The following DOCK4 variants were observed in gnomAD, a reference collection of about 807,000 sequenced individuals.
DOCK4 encodes the protein dedicator of cytokinesis 4, also known as dedicator of cytokinesis protein 4.
DOCK4 carries 97 observed loss-of-function variants against 268.1 expected under a neutral mutation model. The observed-to-expected ratio is 0.36, with a 90% CI of 0.31 to 0.43. The LOEUF (loss-of-function observed/expected upper bound fraction) is 0.43. DOCK4 is among the 20% of genes least tolerant of loss of function. The pLI is 1.00. For missense variants in DOCK4, 2,145 were observed against 2,455.7 expected (o/e 0.87, Z 2.67); for synonymous variants, 954 against 887.2 (o/e 1.08, Z -1.34).
chr7:111,869,621 G>T lies in DOCK4; in HGVS notation c.2062C>A (p.Arg688=). Residue 688 remains arginine (R), a synonymous_variant, in exon 21 of 53, where the codon CGG becomes AGG. Coordinates refer to ENST00000428084, the MANE Select transcript of DOCK4 (RefSeq NM_001363540.2). The part of the protein sequence containing the change: ...LIKVLKWYVD[R]ITEAERQEHI... ...TCTTGCCGCTCTGCTTCTGTGATCC[G>T]GTCCACGTACCATTTGAGCACTTTG... 1.9e-6 allele frequency: 3 copies of T among 1,613,302 alleles called. No homozygotes were observed. Among genetic ancestry groups the T allele is most frequent in the Non-Finnish European group, 2.5e-6 (3 of 1,179,466 alleles).
chr7:111,896,358 T>C (rs1808746733), intron 15 of DOCK4, among the ~76,000 whole-genome samples: 1 of 152,170 alleles, frequency 6.6e-6, no homozygotes, highest in Non-Finnish European at 1.5e-5. Context: ...AGATGCCTAA[T>C]TAAGAATTAC....
intron 27 of DOCK4, among the ~76,000 whole-genome samples, chr7:111,815,828 C>T (rs773928719): frequency 1.5e-4 from 22 of 148,160 alleles, no homozygotes; most frequent in Non-Finnish European, 2.5e-4. Flanking sequence ...CCCGCCACTG[C>T]GCCAGCTAAT....
chr7:112,058,462 T>G (rs1412901301), intron 1 of DOCK4, among the ~76,000 whole-genome samples: 1 of 152,222 alleles, frequency 6.6e-6, no homozygotes, highest in Non-Finnish European at 1.5e-5. Context: ...CGCTGTTTGA[T>G]GAGAATCTCT....
intron 1 of DOCK4, among the ~76,000 whole-genome samples, chr7:112,173,000 C>A (rs1384182038): frequency 6.6e-6 from 1 of 152,190 alleles, no homozygotes; most frequent in Non-Finnish European, 1.5e-5. Context: ...AGCTTAATCA[C>A]GTCGTGTGAG....
intron 17 of DOCK4, among the ~76,000 whole-genome samples, chr7:111,873,403 A>G (rs950172276): frequency 7.2e-5 from 11 of 152,236 alleles, no homozygotes; most frequent in African/African-American, 2.4e-4. Context: ...CAATGAATGC[A>G]GTGAGAACTG....
intron 13 of DOCK4, among the ~76,000 whole-genome samples, chr7:111,903,545 A>G (rs1420233003): frequency 6.6e-6 from 1 of 152,220 alleles, no homozygotes; most frequent in African/African-American, 2.4e-5. Flanking sequence ...ATGGCCCAGT[A>G]CATTTTATGT....
intron 22 of DOCK4, among the ~76,000 whole-genome samples, chr7:111,867,608 T>C (rs930684877): frequency 6.6e-6 from 1 of 152,186 alleles, no homozygotes; most frequent in African/African-American, 2.4e-5. Flanking sequence ...GATTCTCAAG[T>C]TGACAGATTA....
chr7:112,032,703 T>A (rs919238591), intron 1 of DOCK4, among the ~76,000 whole-genome samples: 2 of 152,200 alleles, frequency 1.3e-5, no homozygotes, highest in Non-Finnish European at 2.9e-5. Context: ...TGATTTTATG[T>A]TGTTTATCTT....
At chr7:111,770,879 G>A (rs1798085939) in intron 36 of DOCK4, among the ~76,000 whole-genome samples, 1 of 152,140 alleles carries the variant, frequency 6.6e-6, no homozygotes, top group Admixed American at 6.5e-5. Context: ...CTATGATGTG[G>A]CCATCTCCAT....
At chr7:111,885,127 C>T (rs192241607) in intron 16 of DOCK4, among the ~76,000 whole-genome samples, 60 of 152,284 alleles carry the variant, frequency 3.9e-4, no homozygotes, top group Admixed American at 9.8e-4. Context: ...TTGGCACTGC[C>T]TGTGCTTTAA....
chr7:111,996,590 G>C (rs1265562958), intron 4 of DOCK4, among the ~76,000 whole-genome samples: 1 of 152,046 alleles, frequency 6.6e-6, no homozygotes, highest in Non-Finnish European at 1.5e-5. Context: ...CTAGACCTAG[G>C]GTCTGAGTCA....
In DOCK4 at chr7:112,206,139, G is replaced by T; in HGVS notation, c.-1C>A. On this transcript the variant is annotated 5_prime_UTR_variant, in exon 1 of 53. Coordinates refer to ENST00000428084, the MANE Select transcript of DOCK4 (RefSeq NM_001363540.2). ...TCTCGTGCTCCGTAGGTATCCACAT[G>T]GCTAAAGGGGCTCCGGGGTCTTCAG... 6.3e-7 allele frequency: 1 copy of T among 1,581,990 alleles called. No individual in the cohort carries two copies. The highest frequency in any genetic ancestry group is 8.6e-7 in the Non-Finnish European group (1 of 1,163,744).
chr7:111,863,600 A>T (rs200881655), intron 22 of DOCK4, 36 bp from the exon 23 acceptor site: 2 of 1,539,502 alleles, frequency 1.3e-6, no homozygotes, highest in Non-Finnish European at 1.8e-6. Context: ...CAACTCCCAG[A>T]TACGCCATGA....
At chr7:111,753,491 TATA>T (rs1796828403) in intron 42 of DOCK4, among the ~76,000 whole-genome samples, 1 of 152,086 alleles carries the variant, frequency 6.6e-6, no homozygotes, top group Non-Finnish European at 1.5e-5. Flanking sequence ...AAAAAGGAAA[TATA>T]ATATTTCTAC....
chr7:111,790,749 A>C, intron 30 of DOCK4, 144 bp from the exon 31 acceptor site: 1 of 1,035,988 alleles, frequency 9.7e-7, no homozygotes, highest in Non-Finnish European at 1.3e-6. Context: ...ATAATAACCC[A>C]TGAGATACAA....
intron 1 of DOCK4, among the ~76,000 whole-genome samples, chr7:112,193,489 C>T (rs1266410081): frequency 6.6e-6 from 1 of 151,180 alleles, no homozygotes; most frequent in Non-Finnish European, 1.5e-5. Context: ...GTCCCAACTA[C>T]TGAGAAGGCT....
intron 25 of DOCK4, among the ~76,000 whole-genome samples, chr7:111,837,264 A>G (rs1293884839): frequency 6.6e-6 from 1 of 152,144 alleles, no homozygotes; most frequent in Non-Finnish European, 1.5e-5. Flanking sequence ...AAAACCCCAA[A>G]AACTATTAAC....
intron 30 of DOCK4, among the ~76,000 whole-genome samples, chr7:111,793,363 C>CA (rs1799682351): frequency 6.6e-6 from 1 of 152,150 alleles, no homozygotes; most frequent in Non-Finnish European, 1.5e-5. Flanking sequence ...CAAGGCATTA[C>CA]AGCAGTCAAA....
At chr7:112,040,541 A>C (rs965351296) in intron 1 of DOCK4, among the ~76,000 whole-genome samples, 1 of 152,172 alleles carries the variant, frequency 6.6e-6, no homozygotes, top group Non-Finnish European at 1.5e-5. Flanking sequence ...TAAATAACAC[A>C]GATGCTGAGG....
Sources: allele counts gnomAD v4.1 joint callset (sites outside exome capture counted in the v4.1 genomes callset), GRCh38; gene constraint gnomAD v4.1.1; transcripts MANE v1.5; gene names NCBI Gene and HGNC (gene_info 2026-07-23, HGNC 2026-07-21).